RAB9A: variants seen among roughly 807,000 people sequenced by gnomAD.
RAB9A encodes the protein ras-related protein Rab-9A.
RAB9A carries 1 observed loss-of-function variant against 10.3 expected under a neutral mutation model. That is an observed-to-expected ratio of 0.10 (90% confidence interval 0.03 to 0.46). The LOEUF (loss-of-function observed/expected upper bound fraction) is 0.46. RAB9A is among the 20% of genes least tolerant of loss of function. The pLI, the probability that RAB9A is intolerant of heterozygous loss-of-function variation, is 0.96. For missense variants in RAB9A, 92 were observed against 150.3 expected (o/e 0.61, Z 2.03); for synonymous variants, 39 against 55.2 (o/e 0.71, Z 1.30).
At chrX:13,692,523 C>T (rs2046130579) in intron 1 of RAB9A, among the ~76,000 whole-genome samples, 1 of 111,525 alleles carries the variant, frequency 9.0e-6, no homozygotes, top group South Asian at 3.8e-4. Context: ...TTTCACCTCA[C>T]CAGACAAATA....
intron 1 of RAB9A, among the ~76,000 whole-genome samples, chrX:13,689,854 C>A (rs1376493997): frequency 1.8e-5 from 2 of 111,944 alleles, no homozygotes; most frequent in East Asian, 5.6e-4. Context: ...CTGATTCAGA[C>A]GCTGGCTAAC....
intron 1 of RAB9A, among the ~76,000 whole-genome samples, chrX:13,694,488 G>A (rs1297715093): frequency 8.9e-6 from 1 of 112,095 alleles, no homozygotes; most frequent in Non-Finnish European, 1.9e-5. Flanking sequence ...TTTGTGCCCA[G>A]TACTTGATTT....
intron 1 of RAB9A, among the ~76,000 whole-genome samples, chrX:13,697,967 A>G (rs937177843): frequency 3.6e-5 from 4 of 111,396 alleles, no homozygotes; most frequent in African/African-American, 1.3e-4. Context: ...TCATGTAGCA[A>G]TTTAAACTAG....
At chrX:13,691,410 C>A (rs58862131) in intron 1 of RAB9A, among the ~76,000 whole-genome samples, 4,456 of 110,960 alleles carry the variant, frequency 0.04, 193 homozygotes, top group African/African-American at 0.12. Flanking sequence ...GCCTGTAATC[C>A]CAGCACTTTG....
In RAB9A at chrX:13,696,244, C is replaced by CAAA. The variant is rs34701498; in HGVS notation, c.-116+6970_-116+6972dup. Among the ~76,000 whole-genome samples, 143 of 75,807 alleles carry CAAA rather than the reference C, an allele frequency of 1.9e-3. 1 individual carries two copies. Among genetic ancestry groups the CAAA allele is most frequent in the Admixed American group, 6.7e-3 (43 of 6,433 alleles). The allele number at this position is 75,807 out of a possible 115,157, so 65.8% of individuals were successfully genotyped here. Reference sequence around the variant, plus strand: ...GCAAGATGGTGAAACCTTGTCATTACAAAAAAAAAAAAAAAATTAAAAAAA... The same window carrying CAAA: ...GCAAGATGGTGAAACCTTGTCATTACAAAAAAAAAAAAAAAAAAATTAAAAAAA... On this transcript the variant is annotated intron_variant, in intron 1 of 2. Coordinates refer to ENST00000464506, the MANE Select transcript of RAB9A (RefSeq NM_004251.5).
At chrX:13,690,027 CT>C (rs1269616171) in intron 1 of RAB9A, among the ~76,000 whole-genome samples, 1 of 102,466 alleles carries the variant, frequency 9.8e-6, no homozygotes, top group Non-Finnish European at 2.0e-5. Context: ...TGAGGAATAA[CT>C]TTTCTGCTAG....
Position 13,702,436 on chromosome X carries a change from G to A in RAB9A, c.-115-1378G>A, listed in dbSNP as rs138438146. On this transcript the variant is annotated intron_variant, in intron 1 of 2. Transcript: ENST00000464506. ...TTTGGAACACATCACACTAGAAACC[G>A]ATGTACAGTCTCTCATTAACACAGT... Among the ~76,000 whole-genome samples the A allele has an allele frequency of 2.8e-4, 31 of 112,165 alleles. No homozygotes were observed. The East Asian group carries it at 8.7e-3, about 31-fold the overall frequency.
At chrX:13,705,242 A>G (rs967783992) in intron 2 of RAB9A, among the ~76,000 whole-genome samples, 1 of 112,295 alleles carries the variant, frequency 8.9e-6, no homozygotes, top group African/African-American at 3.2e-5. Context: ...ACAATGATTT[A>G]TATCACCATG....
chrX:13,690,192 C>CT (rs1602692999), intron 1 of RAB9A, among the ~76,000 whole-genome samples: 1 of 111,947 alleles, frequency 8.9e-6, no homozygotes, highest in African/African-American at 3.2e-5. Flanking sequence ...CCTGTACTCT[C>CT]AGAAGCTGTC....
At chrX:13,708,629 T>G in intron 2 of RAB9A, 92 bp from the exon 3 acceptor site, 1 of 827,762 alleles carries the variant, frequency 1.2e-6, no homozygotes, top group Non-Finnish European at 1.7e-6. Context: ...TGGGGCCATA[T>G]GTTTTATTTC....
chrX:13,705,493 CTTG>C (rs2046193386), intron 2 of RAB9A, among the ~76,000 whole-genome samples: 1 of 111,377 alleles, frequency 9.0e-6, no homozygotes, highest in Non-Finnish European at 1.9e-5. Flanking sequence ...GTCAAAGTGT[CTTG>C]GAAAAATTAC....
chrX:13,691,537 G>A lies in RAB9A; in HGVS notation c.-116+2249G>A, dbSNP rs749143972. ...TAGCCAGGCGTGGTGGCGGATGCCC[G>A]TAATCCCAGCTACTCAGGAGGCTGA... On this transcript the variant is annotated intron_variant, in intron 1 of 2. Transcript: ENST00000464506. 1.2e-4 allele frequency among the ~76,000 whole-genome samples: 13 copies of A among 108,990 alleles called. No homozygotes were observed. In the South Asian group the frequency reaches 2.4e-3, roughly 20 times the overall value. The allele number at this position is 108,990 out of a possible 115,157, so 94.6% of individuals were successfully genotyped here. A position where few individuals can be genotyped will look rare whatever the true frequency, so the allele number is the denominator to read the frequency against.
At chrX:13,697,871 G>A (rs1467292734) in intron 1 of RAB9A, among the ~76,000 whole-genome samples, 1 of 112,054 alleles carries the variant, frequency 8.9e-6, no homozygotes, top group Non-Finnish European at 1.9e-5. Context: ...ATTCTAGGGA[G>A]TGTATTTTCT....
At chrX:13,693,986 A>G (rs941713328) in intron 1 of RAB9A, among the ~76,000 whole-genome samples, 11 of 111,978 alleles carry the variant, frequency 9.8e-5, no homozygotes, top group South Asian at 7.4e-4. Flanking sequence ...GGACACATTC[A>G]TTTCATTGCC....
intron 1 of RAB9A, among the ~76,000 whole-genome samples, chrX:13,701,438 T>G (rs988359448): frequency 8.9e-6 from 1 of 111,853 alleles, no homozygotes; most frequent in African/African-American, 3.3e-5. Flanking sequence ...GACATTGTCT[T>G]TCTTTTTAGG....
Position 13,697,842 on chromosome X carries a change from C to T in RAB9A, c.-115-5972C>T, listed in dbSNP as rs180936751. Among the ~76,000 whole-genome samples the T allele has an allele frequency of 2.5e-3, 285 of 112,158 alleles. 1 individual carries two copies. The highest frequency in any genetic ancestry group is 8.5e-3 in the African/African-American group (263 of 30,889). Reference sequence around the variant, plus strand: ...GCACACAAGCTTCCACCAATGCTCTCATCCTTATTTCACATGTGATTCTAG... The same window carrying T: ...GCACACAAGCTTCCACCAATGCTCTTATCCTTATTTCACATGTGATTCTAG... On this transcript the variant is annotated intron_variant, in intron 1 of 2. Transcript: ENST00000464506.
intron 1 of RAB9A, among the ~76,000 whole-genome samples, chrX:13,690,574 C>G (rs201835028): frequency 3.6e-5 from 4 of 111,770 alleles, no homozygotes; most frequent in African/African-American, 6.5e-5. Context: ...TACCTTAGTG[C>G]TATCACTTCT....
At chrX:13,693,455 C>T (rs1259014161) in intron 1 of RAB9A, among the ~76,000 whole-genome samples, 4 of 111,628 alleles carry the variant, frequency 3.6e-5, no homozygotes, top group African/African-American at 1.3e-4. Context: ...GTGGAGCCAC[C>T]TAGGTGTGTA....
At chrX:13,697,486 G>A (rs181560156) in intron 1 of RAB9A, among the ~76,000 whole-genome samples, 2 of 111,554 alleles carry the variant, frequency 1.8e-5, no homozygotes, top group East Asian at 5.6e-4. Flanking sequence ...AAGTGTCATC[G>A]CAGGTAGATT....
Sources: allele counts gnomAD v4.1 joint callset (sites outside exome capture counted in the v4.1 genomes callset), GRCh38; gene constraint gnomAD v4.1.1; transcripts MANE v1.5; gene names NCBI Gene and HGNC (gene_info 2026-07-23, HGNC 2026-07-21).